RNF217: variants seen among roughly 807,000 people sequenced by gnomAD.
RNF217 encodes the protein ring finger protein 217.
In RNF217, 31 loss-of-function variants were observed where a neutral mutation model predicts 57.8. The observed-to-expected ratio is 0.54, with a 90% CI of 0.40 to 0.72. The LOEUF (loss-of-function observed/expected upper bound fraction) is 0.72. Ranked by LOEUF, RNF217 falls within the 30% of genes least tolerant of loss-of-function variation. RNF217 has a pLI of 0.00. For synonymous variants in RNF217, 313 were observed against 294.0 expected (o/e 1.06, Z -0.66); for missense variants, 696 against 708.3 (o/e 0.98, Z 0.20).
At chr6:125,057,019 A>G (rs1787551464) in intron 2 of RNF217, among the ~76,000 whole-genome samples, 2 of 152,232 alleles carry the variant, frequency 1.3e-5, no homozygotes, top group Admixed American at 1.3e-4. Context: ...TACAGGCCAC[A>G]GGGCCACTAT....
chr6:125,064,996 T>C (rs966993261), intron 3 of RNF217, among the ~76,000 whole-genome samples: 3 of 151,872 alleles, frequency 2.0e-5, no homozygotes, highest in African/African-American at 7.3e-5. Context: ...TCATTGTATA[T>C]TAAAACTATG....
At chr6:124,983,355 G>A (rs1184956184) in intron 1 of RNF217, 3 of 984,294 alleles carry the variant, frequency 3.0e-6, no homozygotes, top group Non-Finnish European at 3.6e-6. Flanking sequence ...AACTCCGACT[G>A]TGTACTTTAT....
At chr6:124,965,376 C>G (rs1455838987) in intron 1 of RNF217, among the ~76,000 whole-genome samples, 1 of 152,042 alleles carries the variant, frequency 6.6e-6, no homozygotes, top group African/African-American at 2.4e-5. Flanking sequence ...GAGTTCAAGA[C>G]CAGCCTGACC....
intron 1 of RNF217, among the ~76,000 whole-genome samples, chr6:124,987,592 A>G (rs766983323): frequency 2.6e-5 from 4 of 152,184 alleles, no homozygotes; most frequent in African/African-American, 9.7e-5. Context: ...AAATGTGTCT[A>G]CTGCAAATTA....
intron 1 of RNF217, chr6:124,983,384 C>T (rs1297669087): frequency 1.0e-6 from 1 of 984,780 alleles, no homozygotes; most frequent in Non-Finnish European, 1.2e-6. Context: ...CAGAGGAGGA[C>T]ACAAACATGA....
At chr6:125,019,838 G>A (rs957472839) in intron 1 of RNF217, among the ~76,000 whole-genome samples, 3 of 150,396 alleles carry the variant, frequency 2.0e-5, no homozygotes, top group Non-Finnish European at 4.4e-5. Flanking sequence ...TGCAGTGGGG[G>A]GGGAGTGAAA....
chr6:125,020,042 G>A (rs1391328868), intron 1 of RNF217, among the ~76,000 whole-genome samples: 3 of 152,038 alleles, frequency 2.0e-5, no homozygotes, highest in Admixed American at 1.3e-4. Flanking sequence ...TCTTGGTGCC[G>A]CTTTTCCCAT....
At chr6:124,999,366 A>C (rs892754758) in intron 1 of RNF217, among the ~76,000 whole-genome samples, 14 of 152,084 alleles carry the variant, frequency 9.2e-5, no homozygotes, top group African/African-American at 3.4e-4. Flanking sequence ...GTTTCACTGC[A>C]TGCTTTCTGT....
chr6:125,064,837 C>CGT (rs1244749008), intron 3 of RNF217, among the ~76,000 whole-genome samples: 2 of 151,340 alleles, frequency 1.3e-5, no homozygotes, highest in Non-Finnish European at 2.9e-5. Flanking sequence ...TGTGTATGTA[C>CGT]GTGTGTATAT....
At chr6:125,000,047 C>G (rs1004327853) in intron 1 of RNF217, among the ~76,000 whole-genome samples, 2 of 152,140 alleles carry the variant, frequency 1.3e-5, no homozygotes, top group African/African-American at 4.8e-5. Flanking sequence ...ATTCAGTTCT[C>G]TCAAGCTATA....
intron 1 of RNF217, among the ~76,000 whole-genome samples, chr6:124,978,474 G>A (rs1263402001): frequency 1.3e-5 from 2 of 151,430 alleles, no homozygotes; most frequent in African/African-American, 4.9e-5. Flanking sequence ...ACTCAGAGAT[G>A]CCAGCAGTCG....
Position 125,092,333 on chromosome 6 carries a change from C to CG in RNF217, c.*9396_*9397insG, listed in dbSNP as rs1230330672. ...CGGACACCTTGTGATATTTTGGAGTCTAATTTCCGACTTTTCGTAATGTCC... is the reference window on the plus strand; with the variant it reads ...CGGACACCTTGTGATATTTTGGAGTCGTAATTTCCGACTTTTCGTAATGTCC... On this transcript the variant is annotated 3_prime_UTR_variant, in exon 6 of 6. Transcript: ENST00000521654. 1.3e-4 allele frequency: 20 copies of CG among 152,272 alleles called. No homozygotes were observed. The East Asian group carries it at 2.5e-3, about 19-fold the overall frequency. 9.4% of individuals were successfully genotyped at this position (152,272 alleles called of 1,614,324 possible).
chr6:125,075,214 ATTC>A (rs549256836), intron 3 of RNF217, among the ~76,000 whole-genome samples: 147 of 152,216 alleles, frequency 9.7e-4, no homozygotes, highest in African/African-American at 3.3e-3. Context: ...GCCCAAGACA[ATTC>A]TTCTTCTTCT....
intron 1 of RNF217, among the ~76,000 whole-genome samples, chr6:125,028,872 G>T (rs1786227085): frequency 6.6e-6 from 1 of 151,482 alleles, no homozygotes. Context: ...CTGTCTTACT[G>T]CCTTTTTATA....
chr6:125,078,665 C>T (rs1788464428), intron 4 of RNF217, among the ~76,000 whole-genome samples: 1 of 152,150 alleles, frequency 6.6e-6, no homozygotes. Flanking sequence ...ATCTAATCAC[C>T]TCTTAAAGGC....
At chr6:124,971,913 T>G (rs1034081725) in intron 1 of RNF217, among the ~76,000 whole-genome samples, 2 of 152,192 alleles carry the variant, frequency 1.3e-5, no homozygotes, top group Admixed American at 6.5e-5. Context: ...TGTATACTGT[T>G]AGTGGGGCCA....
chr6:125,075,607 C>T (rs1175058808), intron 3 of RNF217, among the ~76,000 whole-genome samples: 1 of 152,094 alleles, frequency 6.6e-6, no homozygotes, highest in African/African-American at 2.4e-5. Flanking sequence ...CTTGACCCTG[C>T]CCTTGACACG....
intron 1 of RNF217, among the ~76,000 whole-genome samples, chr6:124,977,546 A>T (rs1784011760): frequency 6.6e-6 from 1 of 152,192 alleles, no homozygotes; most frequent in South Asian, 2.1e-4. Flanking sequence ...TGAAAAAATC[A>T]TGGGAGCATT....
intron 2 of RNF217, 126 bp downstream of exon 2, chr6:125,045,570 C>T: frequency 1.5e-6 from 1 of 655,914 alleles, no homozygotes; most frequent in Non-Finnish European, 2.6e-6. Flanking sequence ...CATATATTGG[C>T]CATCATTCTG....
Sources: gnomAD v4.1 joint callset for allele counts (sites outside exome capture counted in the v4.1 genomes callset) on GRCh38, gnomAD v4.1.1 for gene constraint, MANE v1.5 for transcripts, NCBI Gene and HGNC (gene_info 2026-07-23, HGNC 2026-07-21) for gene names.